Variants in DLG2 observed in about 807,000 individuals in gnomAD.
DLG2 encodes the protein disks large homolog 2.
DLG2 carries 45 observed loss-of-function variants against 132.5 expected under a neutral mutation model. The observed-to-expected ratio is 0.34, with a 90% CI of 0.27 to 0.44. DLG2 has a LOEUF of 0.44. Ranked by LOEUF, DLG2 falls within the 20% of genes least tolerant of loss-of-function variation. The pLI is 1.00. For synonymous variants in DLG2, 424 were observed against 419.6 expected (o/e 1.01, Z -0.13); for missense variants, 1,045 against 1,196.9 (o/e 0.87, Z 1.87).
chr11:85,323,723 T>A lies in DLG2; in HGVS notation c.41-38358A>T, dbSNP rs528510984. ...TCTACCTTCAGGAGGTGAACTTTTT[T>A]AGCTCCCACATATTAGTGAGAATAT... On this transcript the variant is annotated intron_variant, in intron 3 of 27. Transcript: ENST00000376104. Among the ~76,000 whole-genome samples, 38 of 152,366 alleles carry A rather than the reference T, an allele frequency of 2.5e-4. 1 individual carries two copies. In the South Asian group the frequency reaches 6.8e-3, roughly 27 times the overall value.
intron 26 of DLG2, among the ~76,000 whole-genome samples, chr11:83,463,461 T>C (rs1197449419): frequency 2.6e-5 from 4 of 152,158 alleles, no homozygotes; most frequent in Non-Finnish European, 2.9e-5. Flanking sequence ...AGGGACACTC[T>C]TCAGAGAAAG....
chr11:85,160,707 T>C (rs561975324), intron 4 of DLG2, among the ~76,000 whole-genome samples: 1 of 152,244 alleles, frequency 6.6e-6, no homozygotes, highest in African/African-American at 2.4e-5. Context: ...GCCCATGGTG[T>C]CCACTCCTGC....
chr11:84,684,256 T>C (rs1490404366), intron 6 of DLG2, among the ~76,000 whole-genome samples: 1 of 152,208 alleles, frequency 6.6e-6, no homozygotes, highest in Non-Finnish European at 1.5e-5. Flanking sequence ...TTAGAAGGTA[T>C]ATTTTTCCTT....
At chr11:84,693,987 C>A (rs1012826186) in intron 6 of DLG2, among the ~76,000 whole-genome samples, 10 of 151,592 alleles carry the variant, frequency 6.6e-5, no homozygotes, top group African/African-American at 2.4e-4. Context: ...TTTTGTCATA[C>A]CATACATGTA....
intron 11 of DLG2, among the ~76,000 whole-genome samples, chr11:83,984,233 GA>G (rs2093061206): frequency 8.2e-6 from 1 of 121,692 alleles, no homozygotes; most frequent in African/African-American, 3.0e-5. Flanking sequence ...TAGATAGATA[GA>G]TAAAAATCGA....
intron 6 of DLG2, among the ~76,000 whole-genome samples, chr11:84,767,714 A>G (rs191252001): frequency 3.3e-5 from 5 of 152,166 alleles, no homozygotes; most frequent in African/African-American, 4.8e-5. Context: ...TCCCCTATGC[A>G]GAAGGCTGAA....
chr11:84,950,900 G>A (rs2050831200), intron 6 of DLG2, among the ~76,000 whole-genome samples: 1 of 152,098 alleles, frequency 6.6e-6, no homozygotes, highest in African/African-American at 2.4e-5. Context: ...AAACAATGGA[G>A]TTAGTAACCA....
chr11:84,628,515 C>T (rs1264293114), intron 6 of DLG2, among the ~76,000 whole-genome samples: 1 of 152,202 alleles, frequency 6.6e-6, no homozygotes, highest in African/African-American at 2.4e-5. Context: ...CTCTACCACG[C>T]ACTTTTATTA....
At chr11:84,896,811 A>C (rs1318687720) in intron 6 of DLG2, among the ~76,000 whole-genome samples, 1 of 151,884 alleles carries the variant, frequency 6.6e-6, no homozygotes, top group East Asian at 1.9e-4. Context: ...ATAATTGTTC[A>C]TCTCTTACTG....
At chr11:85,099,709 G>T (rs1447660974) in intron 6 of DLG2, among the ~76,000 whole-genome samples, 1 of 152,094 alleles carries the variant, frequency 6.6e-6, no homozygotes, top group East Asian at 1.9e-4. Context: ...ATCTGTAGCT[G>T]GTCTATAAAT....
chr11:85,337,047 A>G (rs2082181886), intron 3 of DLG2, among the ~76,000 whole-genome samples: 1 of 152,222 alleles, frequency 6.6e-6, no homozygotes, highest in Non-Finnish European at 1.5e-5. Context: ...GGCAAAAATG[A>G]GCTCTTCATT....
intron 4 of DLG2, among the ~76,000 whole-genome samples, chr11:85,255,182 T>C (rs988504644): frequency 6.6e-6 from 1 of 152,150 alleles, no homozygotes; most frequent in Non-Finnish European, 1.5e-5. Flanking sequence ...TAAAGTTAAA[T>C]TGCCAACATA....
chr11:83,803,285 G>C (rs2045006234), intron 17 of DLG2, among the ~76,000 whole-genome samples: 1 of 152,100 alleles, frequency 6.6e-6, no homozygotes, highest in East Asian at 1.9e-4. Flanking sequence ...AACTGGGTAT[G>C]AAAAGGTGTC....
intron 6 of DLG2, among the ~76,000 whole-genome samples, chr11:84,852,060 A>C (rs1279695060): frequency 6.6e-6 from 1 of 152,016 alleles, no homozygotes; most frequent in Non-Finnish European, 1.5e-5. Context: ...ATTTATTTAG[A>C]ATACAAATTC....
At chr11:84,436,447 G>T (rs2099001002) in intron 7 of DLG2, among the ~76,000 whole-genome samples, 1 of 152,128 alleles carries the variant, frequency 6.6e-6, no homozygotes, top group Non-Finnish European at 1.5e-5. Context: ...CCATCTCTGG[G>T]TCAATCTCAT....
At chr11:85,605,327 TGAGCA>T (rs1565749982) in intron 2 of DLG2, among the ~76,000 whole-genome samples, 4 of 151,532 alleles carry the variant, frequency 2.6e-5, no homozygotes, top group Non-Finnish European at 4.4e-5. Context: ...GAAATGGAGA[TGAGCA>T]TATTTTTATG....
At chr11:85,255,763 G>A (rs951253919) in intron 4 of DLG2, among the ~76,000 whole-genome samples, 4 of 151,954 alleles carry the variant, frequency 2.6e-5, no homozygotes, top group African/African-American at 9.7e-5. Context: ...GCTCACTGCT[G>A]GAAGAAGGAA....
At chr11:85,249,687 A>G (rs906619556) in intron 4 of DLG2, among the ~76,000 whole-genome samples, 1 of 152,098 alleles carries the variant, frequency 6.6e-6, no homozygotes, top group East Asian at 1.9e-4. Context: ...TCTGTCAAAT[A>G]TCCAAAGACA....
intron 6 of DLG2, among the ~76,000 whole-genome samples, chr11:84,954,152 T>A (rs2051317154): frequency 6.6e-6 from 1 of 152,138 alleles, no homozygotes; most frequent in African/African-American, 2.4e-5. Flanking sequence ...CAAATCTCTA[T>A]CTACTTTAAG....
Sources: allele counts gnomAD v4.1 joint callset (sites outside exome capture counted in the v4.1 genomes callset), GRCh38; gene constraint gnomAD v4.1.1; transcripts MANE v1.5; gene names NCBI Gene and HGNC (gene_info 2026-07-23, HGNC 2026-07-21).